Variants in PRKAR1A observed in about 807,000 individuals in gnomAD.
The protein encoded by PRKAR1A is cAMP-dependent protein kinase type I-alpha regulatory subunit.
A neutral mutation model predicts 52.0 loss-of-function variants in PRKAR1A; 3 were observed. The ratio of observed to expected loss-of-function variants is 0.06; its 90% CI spans 0.03 to 0.15. The LOEUF (loss-of-function observed/expected upper bound fraction) is 0.15. PRKAR1A is among the 10% of genes least tolerant of loss of function. The probability of loss-of-function intolerance (pLI) is 1.00; values close to 1 mark genes in which losing one functional copy is unlikely to be tolerated. For missense variants in PRKAR1A, 240 were observed against 477.4 expected (o/e 0.50, Z 4.63); for synonymous variants, 188 against 168.4 (o/e 1.12, Z -0.90).
At chr17:68,536,784 G>A (rs1422372446), downstream of PRKAR1A, 2 of 453,902 alleles carry the variant, frequency 4.4e-6, no homozygotes, top group Non-Finnish European at 4.4e-6. Context: ...GCTGCTTAGT[G>A]TGACATATTT....
chr17:68,492,261 G>A, the PRKAR1A span, among the ~76,000 whole-genome samples: 1 of 152,184 alleles, frequency 6.6e-6, no homozygotes, highest in Non-Finnish European at 1.5e-5. Context: ...TCTTGGGAAA[G>A]AGCCGATCTT....
chr17:68,433,774 T>G, the PRKAR1A span, among the ~76,000 whole-genome samples: 7 of 35,208 alleles, frequency 2.0e-4, no homozygotes, highest in East Asian at 6.7e-4. Context: ...TTTTTTTTTT[T>G]TTTTTTTTTT....
Position 68,548,188 on chromosome 17 carries a change from G to C in PRKAR1A, c.974-2896G>C, listed in dbSNP as rs145400663. ...GGTTGGCAATCACTTGAGGCCAGGA[G>C]ATCGAGACCAGCCTGGCCAACACAG... On this transcript the variant is annotated intron_variant, in intron 11 of 11. Coordinates refer to the PRKAR1A transcript ENST00000585981. 7.3e-3 allele frequency among the ~76,000 whole-genome samples: 1,116 copies of C among 152,294 alleles called. 15 individuals carry two copies. The highest frequency in any genetic ancestry group is 0.025 in the African/African-American group (1,051 of 41,546).
chr17:68,497,043 C>T, the PRKAR1A span, among the ~76,000 whole-genome samples: 1 of 151,870 alleles, frequency 6.6e-6, no homozygotes, highest in Non-Finnish European at 1.5e-5. Flanking sequence ...AGGCTGGTCT[C>T]GAACTCCTGA....
At chr17:68,470,565 G>A in the PRKAR1A span, among the ~76,000 whole-genome samples, 1 of 152,148 alleles carries the variant, frequency 6.6e-6, no homozygotes, top group Admixed American at 6.5e-5. Context: ...CCTTTGCTTA[G>A]CTTAATATTA....
At chr17:68,453,771 C>T in the PRKAR1A span, among the ~76,000 whole-genome samples, 1 of 152,080 alleles carries the variant, frequency 6.6e-6, no homozygotes, top group Non-Finnish European at 1.5e-5. Flanking sequence ...CATGCCTGGT[C>T]TAAGAAATAC....
chr17:68,446,552 AG>A, the PRKAR1A span, among the ~76,000 whole-genome samples: 1 of 152,208 alleles, frequency 6.6e-6, no homozygotes, highest in Non-Finnish European at 1.5e-5. Flanking sequence ...AAATTCTAAC[AG>A]GTTCTCAAAA....
At chr17:68,426,243 G>A in the PRKAR1A span, 2 of 935,362 alleles carry the variant, frequency 2.1e-6, no homozygotes, top group Non-Finnish European at 3.2e-6. Flanking sequence ...CCTGGCGGGT[G>A]GGGAGCGGGG....
the PRKAR1A span, among the ~76,000 whole-genome samples, chr17:68,456,155 C>G: frequency 6.6e-6 from 1 of 152,108 alleles, no homozygotes; most frequent in Admixed American, 6.5e-5. Context: ...GGATTGTGGT[C>G]AAGAAAAACT....
At position 68,532,422 on chromosome 17, in the gene PRKAR1A, A is replaced by G. The variant is rs2143408085; in HGVS notation, c.*1973A>G. On this transcript the variant is annotated 3_prime_UTR_variant, in exon 11 of 11. Coordinates refer to ENST00000589228, the MANE Select transcript of PRKAR1A (RefSeq NM_002734.5). ...GGTTAAATCATTTGGCTTGCTGTTT[A>G]CTCCCTTCTGTAGTTTTTAATTAAA... 1 of 1,060,200 alleles carries G rather than the reference A, an allele frequency of 9.4e-7. No homozygotes were observed. Among genetic ancestry groups the G allele is most frequent in the Middle Eastern group, 4.2e-4 (1 of 2,390 alleles). The allele number at this position is 1,060,200 out of a possible 1,614,324, so 65.7% of individuals were successfully genotyped here.
chr17:68,426,057 C>T, the PRKAR1A span: 9 of 1,609,096 alleles, frequency 5.6e-6, no homozygotes, highest in African/African-American at 2.7e-5. Context: ...CGCCCAGTTA[C>T]GGGTTCCTAA....
chr17:68,449,746 G>C, the PRKAR1A span, among the ~76,000 whole-genome samples: 1 of 152,358 alleles, frequency 6.6e-6, no homozygotes, highest in Admixed American at 6.5e-5. Context: ...ACAGCCTGCA[G>C]AACCTTGACC....
At chr17:68,550,045 C>T (rs555920346) in intron 11 of PRKAR1A, among the ~76,000 whole-genome samples, 11 of 152,226 alleles carry the variant, frequency 7.2e-5, no homozygotes, top group Admixed American at 3.3e-4. Context: ...GCTGGTTTTA[C>T]TGCCTAGTGT....
the PRKAR1A span, among the ~76,000 whole-genome samples, chr17:68,504,947 T>G: frequency 6.6e-6 from 1 of 152,146 alleles, no homozygotes; most frequent in African/African-American, 2.4e-5. Flanking sequence ...TACATACACC[T>G]TCTATGTACC....
At chr17:68,521,179 G>A (rs7219227) in intron 2 of PRKAR1A, among the ~76,000 whole-genome samples, 108,777 of 152,032 alleles carry the variant, frequency 0.72, 39,314 homozygotes, top group East Asian at 0.9. Flanking sequence ...TGACCTTGTG[G>A]TCTGCCCACC....
downstream of PRKAR1A, among the ~76,000 whole-genome samples, chr17:68,534,553 T>G (rs2086052303): frequency 7.2e-6 from 1 of 139,056 alleles, no homozygotes; most frequent in African/African-American, 2.7e-5. Flanking sequence ...TTGGGTCTTT[T>G]TAGTGCCTTT....
chr17:68,546,041 T>C (rs1265300602), intron 11 of PRKAR1A, among the ~76,000 whole-genome samples: 4 of 150,736 alleles, frequency 2.7e-5, no homozygotes, highest in Non-Finnish European at 5.9e-5. Flanking sequence ...TGGTGGCGCA[T>C]GCCTGTAGTC....
the PRKAR1A span, chr17:68,420,272 G>A: frequency 2.9e-5 from 47 of 1,613,996 alleles, no homozygotes; most frequent in Non-Finnish European, 3.6e-5. Context: ...AGACGATACC[G>A]CAGAAGCTGT....
At chr17:68,457,607 CGGCT>C in the PRKAR1A span, 2 of 385,010 alleles carry the variant, frequency 5.2e-6, no homozygotes, top group Non-Finnish European at 4.1e-6. Context: ...GCCGCGTCCC[CGGCT>C]TCGCCCCGCC....
Sources: allele counts gnomAD v4.1 joint callset (sites outside exome capture counted in the v4.1 genomes callset), GRCh38; gene constraint gnomAD v4.1.1; transcripts MANE v1.5; gene names NCBI Gene and HGNC (gene_info 2026-07-23, HGNC 2026-07-21).